MYH7B: variants seen among roughly 807,000 people sequenced by gnomAD.
MYH7B encodes the protein myosin-7B.
In MYH7B, 205 loss-of-function variants were observed where a neutral mutation model predicts 234.5. The observed-to-expected ratio is 0.87, with a 90% CI of 0.78 to 0.98. MYH7B has a LOEUF of 0.98. Ranked by LOEUF, MYH7B falls within the 50% of genes least tolerant of loss-of-function variation. MYH7B has a pLI of 0.00. For missense variants in MYH7B, 2,652 were observed against 2,633.4 expected, an observed-to-expected ratio of 1.01 and a Z score of -0.15; for synonymous variants, 1,193 against 1,105.0, an observed-to-expected ratio of 1.08 and a Z score of -1.58.
At chr20:34,980,498 G>A (rs1291076543) in intron 7 of MYH7B, 80 bp from the exon 8 acceptor site, 15 of 1,297,854 alleles carry the variant, frequency 1.2e-5, no homozygotes, top group Admixed American at 3.5e-5. Flanking sequence ...AGATCATGCC[G>A]TTGTACTCCA....
At chr20:34,984,629 C>G in intron 10 of MYH7B, 63 bp from the exon 11 acceptor site, 2 of 1,417,480 alleles carry the variant, frequency 1.4e-6, no homozygotes, top group Non-Finnish European at 2.0e-6. Flanking sequence ...TGATACCCTG[C>G]CCCACCCCGC....
chr20:34,979,997 G>T, intron 7 of MYH7B, 193 bp downstream of exon 7: 1 of 630,908 alleles, frequency 1.6e-6, no homozygotes, highest in Non-Finnish European at 2.7e-6. Flanking sequence ...CAGTGGGGGC[G>T]GGGCTGGAGG....
intron 2 of MYH7B, among the ~76,000 whole-genome samples, chr20:34,969,333 A>T (rs2081771303): frequency 6.6e-6 from 1 of 152,234 alleles, no homozygotes; most frequent in East Asian, 1.9e-4. Flanking sequence ...TAGGTTATAC[A>T]TACACGATTT....
intron 22 of MYH7B, 101 bp from the exon 23 acceptor site, chr20:34,990,637 G>A (rs977262962): frequency 8.3e-5 from 89 of 1,068,446 alleles, no homozygotes; most frequent in Non-Finnish European, 1.1e-4. Flanking sequence ...AAAGTGCAGG[G>A]CACTTAGGGC....
rs548630243 is a variant in MYH7B at position 34,987,543 on chromosome 20, T to TCA, written c.1148-13_1148-12insAC. 4 of 1,042,750 alleles carry TCA rather than the reference T, an allele frequency of 3.8e-6. No homozygotes were observed. Among genetic ancestry groups the TCA allele is most frequent in the Non-Finnish European group, 4.0e-6 (3 of 743,932 alleles). 64.6% of individuals were successfully genotyped at this position (1,042,750 alleles called of 1,614,324 possible). On this transcript the variant is annotated splice_polypyrimidine_tract_variant and intron_variant, in intron 16 of 44. Transcript: ENST00000262873. ...GTGGTGTCCTCCTCCCTTACCCCAC[T>TCA]CGTGCCCTGCCAGGTGCTGACAAGG...
intron 24 of MYH7B, among the ~76,000 whole-genome samples, chr20:34,992,413 C>T (rs1161081107): frequency 6.6e-6 from 1 of 151,368 alleles, no homozygotes; most frequent in Non-Finnish European, 1.5e-5. Flanking sequence ...AGAATTTTCC[C>T]CCAAATGTTT....
At chr20:34,981,301 C>A (rs2081937657) in intron 9 of MYH7B, 2 of 472,374 alleles carry the variant, frequency 4.2e-6, no homozygotes, top group Admixed American at 4.2e-5. Context: ...TGACCACCAG[C>A]CCCACACCTC....
chr20:34,958,132 G>A (rs1266325087), exon 2 of MYH7B, among the ~76,000 whole-genome samples: 2 of 152,226 alleles, frequency 1.3e-5, no homozygotes, highest in Non-Finnish European at 2.9e-5. Context: ...CAAGTGATGA[G>A]TATCAGGTGT....
At chr20:34,975,831 T>G (rs2081846687) in intron 3 of MYH7B, among the ~76,000 whole-genome samples, 1 of 152,212 alleles carries the variant, frequency 6.6e-6, no homozygotes, top group South Asian at 2.1e-4. Context: ...TTCTCCTGCC[T>G]CAGCCTCCAG....
intron 7 of MYH7B, 52 bp downstream of exon 7, chr20:34,979,856 G>A: frequency 6.3e-7 from 1 of 1,587,080 alleles, no homozygotes; most frequent in Non-Finnish European, 8.6e-7. Flanking sequence ...TGTGGGGCGG[G>A]GCTAGAGATG....
At chr20:34,957,467 C>T (rs2081650743) in intron 1 of MYH7B, among the ~76,000 whole-genome samples, 1 of 148,650 alleles carries the variant, frequency 6.7e-6, no homozygotes, top group South Asian at 2.1e-4. Flanking sequence ...AACCCAGGGA[C>T]CAAGATCCTT....
At chr20:34,995,235 T>G in intron 27 of MYH7B, 101 bp from the exon 28 acceptor site, 1 of 1,240,230 alleles carries the variant, frequency 8.1e-7, no homozygotes, top group Non-Finnish European at 1.1e-6. Flanking sequence ...ACAGCCAAAC[T>G]TTGCTACAGA....
At chr20:34,983,287 T>C (rs2081966144) in intron 10 of MYH7B, among the ~76,000 whole-genome samples, 1 of 74,606 alleles carries the variant, frequency 1.3e-5, no homozygotes, top group Non-Finnish European at 2.5e-5. Context: ...TTCTTTCTTT[T>C]CTTTTCTTTT....
chr20:34,956,947 C>A (rs556636626), intron 1 of MYH7B, among the ~76,000 whole-genome samples: 13 of 152,272 alleles, frequency 8.5e-5, no homozygotes, highest in African/African-American at 2.9e-4. Context: ...CCCAGCTACT[C>A]GGGAGGCTGC....
At chr20:34,997,616 C>A in exon 32 of MYH7B, 1 of 1,613,570 alleles carries the variant, frequency 6.2e-7, no homozygotes, top group Non-Finnish European at 8.5e-7. Flanking sequence ...TGGCTGCCAA[C>A]GTGGAGACTC....
intron 14 of MYH7B, 120 bp downstream of exon 14, chr20:34,986,318 C>A: frequency 1.3e-6 from 1 of 743,658 alleles, no homozygotes; most frequent in Non-Finnish European, 2.3e-6. Flanking sequence ...GGGTCTGTGG[C>A]CTCTCTTCCT....
chr20:34,994,236 G>A lies in MYH7B; in HGVS notation c.2535G>A (p.Pro845=), dbSNP rs369830963. 25 of 1,613,080 alleles carry A rather than the reference G, an allele frequency of 1.5e-5. No homozygotes were observed. The highest frequency in any genetic ancestry group is 1.6e-4 in the Middle Eastern group (1 of 6,084). ...TGAAGCTCTTTTTCAAGATGAAGCCGCTGCTGCGCTCGGCGCAGGCTGAGG... is the reference window on the plus strand; with the variant it reads ...TGAAGCTCTTTTTCAAGATGAAGCCACTGCTGCGCTCGGCGCAGGCTGAGG... The change falls in exon 27 of 45, where the codon CCG becomes CCA. Residue 845 remains proline (P), a synonymous_variant. Coordinates refer to ENST00000262873, the Ensembl canonical transcript of MYH7B.
chr20:34,957,732 C>T (rs755651648), intron 1 of MYH7B, among the ~76,000 whole-genome samples: 132 of 152,244 alleles, frequency 8.7e-4, no homozygotes, highest in Middle Eastern at 6.8e-3. Flanking sequence ...TCAGGTGATC[C>T]ACCCGCCCCA....
At position 34,988,273 on chromosome 20, in the gene MYH7B, C is replaced by T. The variant is rs776073885; in HGVS notation, c.1587+11C>T. 56 of 1,606,890 alleles carry T rather than the reference C, an allele frequency of 3.5e-5. No homozygotes were observed. In the South Asian group the frequency reaches 4.8e-4, roughly 14 times the overall value. Reference sequence around the variant, plus strand: ...GACCTCATCGAGAAGGTGGGTGCCGCGGCAAGGTCACTTTGAGGAAGGGAG... The same window carrying T: ...GACCTCATCGAGAAGGTGGGTGCCGTGGCAAGGTCACTTTGAGGAAGGGAG... On this transcript the variant is annotated intron_variant, in intron 19 of 44. Coordinates refer to ENST00000262873, the Ensembl canonical transcript of MYH7B.
Sources: gnomAD v4.1 joint callset for allele counts (sites outside exome capture counted in the v4.1 genomes callset) on GRCh38, gnomAD v4.1.1 for gene constraint, MANE v1.5 for transcripts, NCBI Gene and HGNC (gene_info 2026-07-23, HGNC 2026-07-21) for gene names.